Variants in ZNF385D observed in about 807,000 individuals in gnomAD.
The protein encoded by ZNF385D is zinc finger protein 385D.
In ZNF385D, 15 loss-of-function variants were observed where a neutral mutation model predicts 35.8. The observed-to-expected ratio is 0.42, with a 90% CI of 0.28 to 0.64. ZNF385D has a LOEUF of 0.64. Ranked by LOEUF, ZNF385D falls within the 30% of genes least tolerant of loss-of-function variation. The probability of loss-of-function intolerance (pLI) is 0.23; values close to 1 mark genes in which losing one functional copy is unlikely to be tolerated. For synonymous variants in ZNF385D, 212 were observed against 186.8 expected (o/e 1.13, Z -1.10); for missense variants, 474 against 494.6 (o/e 0.96, Z 0.39).
chr3:22,242,104 C>T (rs1381222325), intron 2 of ZNF385D, among the ~76,000 whole-genome samples: 1 of 150,668 alleles, frequency 6.6e-6, no homozygotes, highest in Non-Finnish European at 1.5e-5. Context: ...AGGGATAGCA[C>T]TGGGAGATAT....
intron 2 of ZNF385D, among the ~76,000 whole-genome samples, chr3:22,287,142 T>C (rs1702066481): frequency 6.6e-6 from 1 of 152,016 alleles, no homozygotes; most frequent in Admixed American, 6.6e-5. Context: ...TCTTTTTCTT[T>C]TGTGACAGTT....
At position 22,100,178 on chromosome 3, in the gene ZNF385D, A is replaced by C. The variant is rs372097133; in HGVS notation, c.325+68639T>G. Among the ~76,000 whole-genome samples, 6 of 144,074 alleles carry C rather than the reference A, an allele frequency of 4.2e-5. No homozygotes were observed. In the East Asian group the frequency reaches 9.9e-4, roughly 24 times the overall value. The allele number at this position is 144,074 out of a possible 152,430, so 94.5% of individuals were successfully genotyped here. ...GAATGGCAATCATTAAAAAGTCAGGAAACAACAGGTGCTGGAGAGGATGTG... is the reference window on the plus strand; with the variant it reads ...GAATGGCAATCATTAAAAAGTCAGGCAACAACAGGTGCTGGAGAGGATGTG... On this transcript the variant is annotated intron_variant, in intron 3 of 5. Transcript: ENST00000494108.
chr3:21,502,194 A>AT (rs1706423326), intron 4 of ZNF385D, among the ~76,000 whole-genome samples: 3 of 152,196 alleles, frequency 2.0e-5, no homozygotes, highest in Non-Finnish European at 4.4e-5. Context: ...CTCTTCCAAG[A>AT]CATCTCATCA....
At chr3:21,654,117 T>C (rs1000427377) in intron 2 of ZNF385D, among the ~76,000 whole-genome samples, 5 of 152,000 alleles carry the variant, frequency 3.3e-5, no homozygotes, top group African/African-American at 1.2e-4. Context: ...AACTTGAATA[T>C]AGAAATTAAA....
intron 2 of ZNF385D, among the ~76,000 whole-genome samples, chr3:22,294,563 A>G (rs955895669): frequency 9.2e-5 from 14 of 152,114 alleles, no homozygotes; most frequent in African/African-American, 2.9e-4. Flanking sequence ...TATTGATTTC[A>G]TTTAAAATTT....
intron 2 of ZNF385D, among the ~76,000 whole-genome samples, chr3:22,282,051 C>T (rs1428660982): frequency 6.6e-6 from 1 of 151,884 alleles, no homozygotes; most frequent in African/African-American, 2.4e-5. Flanking sequence ...TTTATAGTAG[C>T]CTTGGACGAT....
intron 3 of ZNF385D, among the ~76,000 whole-genome samples, chr3:21,858,266 A>AGGGGTG (rs1696845017): frequency 6.6e-6 from 1 of 151,996 alleles, no homozygotes; most frequent in Admixed American, 6.6e-5. Flanking sequence ...GGCAATTCTG[A>AGGGGTG]GGGGTGTTAA....
chr3:22,158,354 T>C (rs1705723403), intron 3 of ZNF385D, among the ~76,000 whole-genome samples: 2 of 152,228 alleles, frequency 1.3e-5, no homozygotes, highest in South Asian at 4.1e-4. Context: ...ATTGGGCGCT[T>C]TTTCCCTGAC....
At chr3:21,464,528 T>C (rs1703384478) in intron 4 of ZNF385D, among the ~76,000 whole-genome samples, 1 of 152,140 alleles carries the variant, frequency 6.6e-6, no homozygotes, top group Non-Finnish European at 1.5e-5. Flanking sequence ...TGCTTTCTTC[T>C]CTCTGGAACA....
chr3:21,497,153 A>T (rs750317617), intron 4 of ZNF385D, among the ~76,000 whole-genome samples: 1 of 152,128 alleles, frequency 6.6e-6, no homozygotes, highest in Non-Finnish European at 1.5e-5. Flanking sequence ...AGAAAACCCC[A>T]TAGTCTCTGC....
At chr3:21,631,109 G>A (rs910492987) in intron 2 of ZNF385D, among the ~76,000 whole-genome samples, 2 of 152,050 alleles carry the variant, frequency 1.3e-5, no homozygotes, top group African/African-American at 4.8e-5. Context: ...CTGGGTTTGC[G>A]GTTGTGGGGA....
intron 2 of ZNF385D, among the ~76,000 whole-genome samples, chr3:22,195,403 A>G (rs946740936): frequency 5.3e-5 from 8 of 152,086 alleles, no homozygotes; most frequent in Non-Finnish European, 7.4e-5. Flanking sequence ...CTTTCTAGAT[A>G]TAAGTCTTTT....
intron 2 of ZNF385D, among the ~76,000 whole-genome samples, chr3:22,232,165 A>G (rs1192841566): frequency 2.6e-5 from 4 of 152,138 alleles, no homozygotes; most frequent in Non-Finnish European, 5.9e-5. Flanking sequence ...TTGCGCTCAT[A>G]TTGTAACTAT....
chr3:22,049,366 T>A (rs1400760795), intron 3 of ZNF385D, among the ~76,000 whole-genome samples: 2 of 145,280 alleles, frequency 1.4e-5, no homozygotes, highest in African/African-American at 4.9e-5. Context: ...TGTTGATATT[T>A]ATCCTGCAAC....
intron 4 of ZNF385D, among the ~76,000 whole-genome samples, chr3:21,439,297 CAAAAAAAAAAAA>C (rs143786633): frequency 1.1e-5 from 1 of 89,326 alleles, no homozygotes; most frequent in Admixed American, 1.2e-4. Context: ...GATTTTGAGG[CAAAAAAAAAAAA>C]AAAAAAAAAA....
chr3:22,057,046 A>C (rs1351243111), intron 3 of ZNF385D, among the ~76,000 whole-genome samples: 1 of 152,214 alleles, frequency 6.6e-6, no homozygotes, highest in Non-Finnish European at 1.5e-5. Flanking sequence ...GAGAAGTAAA[A>C]CAGATAAACA....
At chr3:21,701,785 A>T (rs2067693059) in intron 1 of ZNF385D, among the ~76,000 whole-genome samples, 1 of 152,190 alleles carries the variant, frequency 6.6e-6, no homozygotes, top group Admixed American at 6.5e-5. Context: ...TACAGGGCCC[A>T]TGCAAGTCTG....
intron 3 of ZNF385D, among the ~76,000 whole-genome samples, chr3:22,111,297 C>A (rs1172614986): frequency 6.6e-6 from 1 of 150,702 alleles, no homozygotes; most frequent in Non-Finnish European, 1.5e-5. Flanking sequence ...AGGCAGAAAT[C>A]TGCCCTGTGA....
intron 3 of ZNF385D, among the ~76,000 whole-genome samples, chr3:22,025,354 A>T (rs569352265): frequency 9.9e-5 from 15 of 152,110 alleles, no homozygotes; most frequent in Non-Finnish European, 1.9e-4. Context: ...TGGACCTATA[A>T]CTAAAGTCCT....
Sources: gnomAD v4.1 joint callset for allele counts (sites outside exome capture counted in the v4.1 genomes callset) on GRCh38, gnomAD v4.1.1 for gene constraint, MANE v1.5 for transcripts, NCBI Gene and HGNC (gene_info 2026-07-23, HGNC 2026-07-21) for gene names.